TANC1: variants seen among roughly 807,000 people sequenced by gnomAD.
TANC1 encodes the protein tetratricopeptide repeat, ankyrin repeat and coiled-coil containing 1.
A neutral mutation model predicts 149.7 loss-of-function variants in TANC1; 77 were observed. The ratio of observed to expected loss-of-function variants is 0.51; its 90% confidence interval spans 0.43 to 0.62. TANC1 has a LOEUF of 0.62. Ranked by LOEUF, TANC1 falls within the 20% of genes least tolerant of loss-of-function variation. The pLI, the probability that TANC1 is intolerant of heterozygous loss-of-function variation, is 0.00. For missense variants in TANC1, 1,985 were observed against 2,321.8 expected (o/e 0.85, Z 2.98); for synonymous variants, 854 against 925.0 (o/e 0.92, Z 1.39).
intron 4 of TANC1, among the ~76,000 whole-genome samples, chr2:159,115,389 ACT>A (rs2048144099): frequency 6.6e-6 from 1 of 152,138 alleles, no homozygotes; most frequent in African/African-American, 2.4e-5. Flanking sequence ...TAGTGGCTTA[ACT>A]CTGCAGGGGA....
At chr2:159,211,569 C>T (rs2058983207) in intron 19 of TANC1, among the ~76,000 whole-genome samples, 2 of 152,200 alleles carry the variant, frequency 1.3e-5, no homozygotes, top group Non-Finnish European at 2.9e-5. Context: ...GCTGGAATTC[C>T]TGAGCATAAT....
chr2:159,046,272 A>G (rs1375356823), intron 2 of TANC1, among the ~76,000 whole-genome samples: 1 of 152,236 alleles, frequency 6.6e-6, no homozygotes, highest in Non-Finnish European at 1.5e-5. Flanking sequence ...TTTCTGTGAA[A>G]GAAAACCTTG....
chr2:159,008,310 C>T (rs1045799292), intron 2 of TANC1, among the ~76,000 whole-genome samples: 1 of 152,210 alleles, frequency 6.6e-6, no homozygotes. Flanking sequence ...TCAAGTATCA[C>T]AGCTGTGCCC....
rs753024648 is a variant in TANC1 at position 159,178,878 on chromosome 2, A to C, written c.2225A>C (p.Asn742Thr). The change falls in exon 14 of 27, where the codon AAC becomes ACC. Residue 742 changes from asparagine to threonine, a missense_variant. Asn to Thr is a moderately conservative substitution (Grantham distance 65). Transcript: ENST00000263635. ...SLSELYLLQCNMKFMTQSAFE... is the reference protein window; with the variant it reads ...SLSELYLLQCTMKFMTQSAFE... Reference sequence around the variant, plus strand: ...TCTGAGCTCTATTTGCTTCAGTGCAACATGAAGTTCATGACCCAGTCCGCC... The same window carrying C: ...TCTGAGCTCTATTTGCTTCAGTGCACCATGAAGTTCATGACCCAGTCCGCC... 12 of 1,614,052 alleles carry C rather than the reference A, an allele frequency of 7.4e-6. No individual in the cohort carries two copies. Among genetic ancestry groups the C allele is most frequent in the Middle Eastern group, 3.3e-4 (2 of 6,084 alleles).
intron 6 of TANC1, 63 bp downstream of exon 6, chr2:159,149,335 T>G: frequency 6.2e-7 from 1 of 1,605,514 alleles, no homozygotes. Context: ...GCAATAACCA[T>G]CTTCTCCCTT....
At chr2:159,096,156 A>G (rs1439870174) in intron 3 of TANC1, among the ~76,000 whole-genome samples, 1 of 152,154 alleles carries the variant, frequency 6.6e-6, no homozygotes, top group Non-Finnish European at 1.5e-5. Context: ...GCTTTTTAAG[A>G]AGCAGGTAAT....
intron 2 of TANC1, among the ~76,000 whole-genome samples, chr2:159,021,011 CCAGT>C (rs2038789448): frequency 6.6e-6 from 1 of 152,072 alleles, no homozygotes; most frequent in African/African-American, 2.4e-5. Context: ...TTCTGAGCTA[CCAGT>C]CATTACCAGG....
intron 1 of TANC1, among the ~76,000 whole-genome samples, chr2:158,996,863 A>G (rs899067475): frequency 1.3e-5 from 2 of 152,194 alleles, no homozygotes; most frequent in Non-Finnish European, 2.9e-5. Flanking sequence ...AATTATTTAG[A>G]TAAAATAGAC....
chr2:159,009,172 A>G (rs981262495), intron 2 of TANC1, among the ~76,000 whole-genome samples: 5 of 150,120 alleles, frequency 3.3e-5, no homozygotes, highest in African/African-American at 1.3e-4. Flanking sequence ...GTGAGCCCAT[A>G]AAAAAATAAA....
chr2:159,180,125 C>T (rs1466787716), intron 14 of TANC1, among the ~76,000 whole-genome samples: 1 of 152,212 alleles, frequency 6.6e-6, no homozygotes, highest in Non-Finnish European at 1.5e-5. Flanking sequence ...ACTGAACATC[C>T]ACCTGATAGG....
At chr2:159,141,197 C>G in intron 5 of TANC1, among the ~76,000 whole-genome samples, 1 of 152,276 alleles carries the variant, frequency 6.6e-6, no homozygotes, top group Non-Finnish European at 1.5e-5. Context: ...GGCCTACTTG[C>G]TGGTTCATAG....
At chr2:158,987,227 A>AAC (rs1331322874) in intron 1 of TANC1, among the ~76,000 whole-genome samples, 1 of 150,652 alleles carries the variant, frequency 6.6e-6, no homozygotes, top group Non-Finnish European at 1.5e-5. Context: ...AAAAAAAAAA[A>AAC]AAAAAGAGTC....
rs770866772 is a variant in TANC1 at position 159,062,973 on chromosome 2, C to CCAAAAAAAA, written c.-15-2923_-15-2922insCAAAAAAAA. Among the ~76,000 whole-genome samples the CCAAAAAAAA allele has an allele frequency of 6.3e-4, 26 of 41,208 alleles. 1 individual carries two copies. Among genetic ancestry groups the CCAAAAAAAA allele is most frequent in the Admixed American group, 1.7e-3 (6 of 3,510 alleles). 27.0% of individuals were successfully genotyped at this position (41,208 alleles called of 152,430 possible). A position where few individuals can be genotyped will look rare whatever the true frequency, so the allele number is the denominator to read the frequency against. ...TGGGCGACAGAGCGAGACTCCGTCTCAAAAAAAAAAAAAAAAAAAAAAGAA... is the reference window on the plus strand; with the variant it reads ...TGGGCGACAGAGCGAGACTCCGTCTCCAAAAAAAAAAAAAAAAAAAAAAAAAAAAAAGAA... On this transcript the variant is annotated intron_variant, in intron 2 of 26. Coordinates refer to ENST00000263635, the MANE Select transcript of TANC1 (RefSeq NM_033394.3).
intron 7 of TANC1, among the ~76,000 whole-genome samples, chr2:159,162,399 A>T (rs1002971411): frequency 6.6e-6 from 1 of 152,206 alleles, no homozygotes; most frequent in East Asian, 1.9e-4. Flanking sequence ...AGCCAGCGTT[A>T]GTTCTAACAG....
At chr2:159,052,180 G>A (rs1011632357) in intron 2 of TANC1, among the ~76,000 whole-genome samples, 9 of 152,086 alleles carry the variant, frequency 5.9e-5, no homozygotes, top group South Asian at 4.1e-4. Flanking sequence ...AACCAACAGC[G>A]TGTATTAAAA....
chr2:159,034,990 A>C (rs2040065272), intron 2 of TANC1, among the ~76,000 whole-genome samples: 1 of 152,194 alleles, frequency 6.6e-6, no homozygotes, highest in South Asian at 2.1e-4. Flanking sequence ...GGACCGTCAC[A>C]TGGAATCGAT....
intron 1 of TANC1, among the ~76,000 whole-genome samples, chr2:158,970,097 C>T (rs918430146): frequency 6.7e-6 from 1 of 148,866 alleles, no homozygotes; most frequent in African/African-American, 2.5e-5. Context: ...AGATCGCTCG[C>T]TCTGGAAATG....
chr2:159,163,313 A>T lies in TANC1; in HGVS notation c.713A>T (p.Asp238Val). 2 of 1,613,936 alleles carry T rather than the reference A, an allele frequency of 1.2e-6. No homozygotes were observed. Among genetic ancestry groups the T allele is most frequent in the Non-Finnish European group, 1.7e-6 (2 of 1,179,944 alleles). ...ATITSSSEND[D>V]RSGSSLEWNK... ...ATTACAAGTTCATCCGAAAATGATG[A>T]CCGGAGTGGCTCCAGTTTGGAATGG... Residue 238 changes from aspartate to valine, a missense_variant, in exon 8 of 27, where the codon GAC becomes GTC. Coordinates refer to ENST00000263635, the MANE Select transcript of TANC1 (RefSeq NM_033394.3).
chr2:159,128,616 G>C (rs732788), intron 4 of TANC1, among the ~76,000 whole-genome samples: 138,162 of 152,182 alleles, frequency 0.91, 63,799 homozygotes, highest in Non-Finnish European at 0.99. Flanking sequence ...TCTGTCCCCC[G>C]AGCCGTGCCT....
Sources: allele counts gnomAD v4.1 joint callset (sites outside exome capture counted in the v4.1 genomes callset), GRCh38; gene constraint gnomAD v4.1.1; transcripts MANE v1.5; gene names NCBI Gene and HGNC (gene_info 2026-07-23, HGNC 2026-07-21).